Variants in VPS35L observed in about 807,000 individuals in gnomAD.
VPS35L encodes VPS35 endosomal protein sorting factor like.
VPS35L carries 83 observed loss-of-function variants against 133.0 expected under a neutral mutation model. The observed-to-expected ratio is 0.62, with a 90% CI of 0.52 to 0.75. The LOEUF is 0.75. VPS35L is among the 30% of genes least tolerant of loss of function. VPS35L has a pLI of 0.00. For missense variants in VPS35L, 1,083 were observed against 1,206.8 expected (o/e 0.90, Z 1.52); for synonymous variants, 423 against 449.9 (o/e 0.94, Z 0.76).
intron 28 of VPS35L, among the ~76,000 whole-genome samples, chr16:19,687,971 G>A (rs569765795): frequency 1.3e-5 from 2 of 152,200 alleles, no homozygotes; most frequent in African/African-American, 2.4e-5. Context: ...ATGTAGCCCT[G>A]CCTGCAGTGC....
chr16:19,555,830 C>A (rs376445204), intron 1 of VPS35L, 84 bp downstream of exon 1: 26 of 1,494,420 alleles, frequency 1.7e-5, no homozygotes, highest in African/African-American at 4.2e-5. Flanking sequence ...AGTGTGAATT[C>A]CTCTCTGTCG....
At chr16:19,600,762 AG>A (rs927550076) in intron 8 of VPS35L, among the ~76,000 whole-genome samples, 14 of 152,172 alleles carry the variant, frequency 9.2e-5, no homozygotes, top group Admixed American at 7.9e-4. Context: ...GAGAGACAGT[AG>A]GGGGTGGTTG....
chr16:19,602,794 G>A (rs1203170892), intron 9 of VPS35L, among the ~76,000 whole-genome samples: 4 of 151,980 alleles, frequency 2.6e-5, no homozygotes, highest in Non-Finnish European at 5.9e-5. Flanking sequence ...GTAGAGACAG[G>A]GTTTGTACCA....
intron 27 of VPS35L, among the ~76,000 whole-genome samples, chr16:19,679,706 T>C (rs565102042): frequency 6.6e-6 from 1 of 152,204 alleles, no homozygotes; most frequent in African/African-American, 2.4e-5. Context: ...GGTTTCGCCA[T>C]GTTGGCCAGG....
At chr16:19,638,330 C>T (rs1973683494) in intron 20 of VPS35L, among the ~76,000 whole-genome samples, 1 of 152,166 alleles carries the variant, frequency 6.6e-6, no homozygotes. Flanking sequence ...ACATGTATTG[C>T]CTCACATTAG....
intron 7 of VPS35L, among the ~76,000 whole-genome samples, chr16:19,588,091 C>T (rs997456566): frequency 6.6e-6 from 1 of 151,866 alleles, no homozygotes; most frequent in African/African-American, 2.4e-5. Context: ...TGAGCCACTG[C>T]GCCTGGCCAG....
Position 19,616,259 on chromosome 16 carries a change from G to C in VPS35L, c.1101+68G>C, listed in dbSNP as rs1972890061. 3.5e-6 allele frequency: 5 copies of C among 1,411,542 alleles called. No homozygotes were observed. In the Admixed American group the frequency reaches 6.9e-5, roughly 20 times the overall value. The allele number at this position is 1,411,542 out of a possible 1,614,324, so 87.4% of individuals were successfully genotyped here. On this transcript the variant is annotated intron_variant, in intron 13 of 30. Transcript: ENST00000417362. The stretch of plus-strand genomic sequence containing the variant: ...TATGATAGCAAATTCACAAAACCCA[G>C]TTGGTTTTCCAAGTGGAGAATGCCT...
intron 8 of VPS35L, among the ~76,000 whole-genome samples, chr16:19,593,313 G>T (rs1972101215): frequency 6.6e-6 from 1 of 152,198 alleles, no homozygotes. Context: ...ACACGTGGAA[G>T]ATCAGAACAG....
chr16:19,685,843 C>G (rs1274822230), intron 28 of VPS35L, among the ~76,000 whole-genome samples: 1 of 152,132 alleles, frequency 6.6e-6, no homozygotes, highest in African/African-American at 2.4e-5. Context: ...GAGGACCAGA[C>G]AGAGACCTGG....
rs373545292 is a variant in VPS35L at position 19,591,855 on chromosome 16, C to T, written c.705C>T (p.Thr235=). 3.9e-5 allele frequency: 62 copies of T among 1,607,698 alleles called. No homozygotes were observed. Among genetic ancestry groups the T allele is most frequent in the African/African-American group, 9.4e-5 (7 of 74,614 alleles). The part of the protein sequence containing the change: ...QFYPSKFVLI[T]DILDTFGKLV... ...ACCCAAGCAAATTTGTCCTTATCACCGACATACTTGATACATTTGGTAAGT... is the reference window on the plus strand; with the variant it reads ...ACCCAAGCAAATTTGTCCTTATCACTGACATACTTGATACATTTGGTAAGT... Residue 235 remains threonine (T), a synonymous_variant, in exon 8 of 31, where the codon ACC becomes ACT. Coordinates refer to ENST00000417362, the MANE Select transcript of VPS35L (RefSeq NM_020314.7).
chr16:19,626,115 A>C (rs1597373404), intron 14 of VPS35L, 62 bp from the exon 15 acceptor site: 2 of 1,101,210 alleles, frequency 1.8e-6, no homozygotes, highest in African/African-American at 3.2e-5. Context: ...GAAATCTCTT[A>C]GAAATGTTAC....
intron 28 of VPS35L, among the ~76,000 whole-genome samples, chr16:19,688,815 G>GAA (rs924861469): frequency 6.6e-6 from 1 of 152,240 alleles, no homozygotes; most frequent in African/African-American, 2.4e-5. Flanking sequence ...TGTGGGTGTG[G>GAA]AAGGAAAGAA....
intron 5 of VPS35L, 52 bp from the exon 6 acceptor site, chr16:19,579,000 G>A (rs1007985114): frequency 1.4e-6 from 2 of 1,449,218 alleles, no homozygotes; most frequent in African/African-American, 2.8e-5. Flanking sequence ...TCCACTGGGG[G>A]TATTGGTGCA....
intron 27 of VPS35L, among the ~76,000 whole-genome samples, chr16:19,671,910 C>T (rs193091184): frequency 3.3e-5 from 5 of 152,346 alleles, no homozygotes; most frequent in Non-Finnish European, 1.5e-5. Flanking sequence ...TGTTAAAATG[C>T]AGATTCCTGG....
chr16:19,693,834 A>G (rs1975795749), intron 29 of VPS35L, among the ~76,000 whole-genome samples: 1 of 151,712 alleles, frequency 6.6e-6, no homozygotes, highest in South Asian at 2.1e-4. Context: ...CTGTAGTCCC[A>G]GCTACTGGAG....
chr16:19,558,601 T>G (rs1970932335), intron 1 of VPS35L, among the ~76,000 whole-genome samples: 1 of 152,150 alleles, frequency 6.6e-6, no homozygotes, highest in African/African-American at 2.4e-5. Flanking sequence ...TTCCGTTTAA[T>G]CCTGTGGTTA....
At chr16:19,700,342 A>G (rs748802677) in intron 30 of VPS35L, 36 bp from the exon 31 acceptor site, 6 of 1,566,914 alleles carry the variant, frequency 3.8e-6, no homozygotes, top group Middle Eastern at 1.7e-4. Context: ...AGGATAATGA[A>G]CCAGAAAGGA....
chr16:19,610,500 C>A, intron 12 of VPS35L, 85 bp downstream of exon 12: 3 of 959,368 alleles, frequency 3.1e-6, no homozygotes, highest in Non-Finnish European at 3.1e-6. Context: ...TTCCCCACCA[C>A]CCCGCAAGTC....
At chr16:19,648,245 A>G (rs1357384677) in intron 24 of VPS35L, among the ~76,000 whole-genome samples, 1 of 152,158 alleles carries the variant, frequency 6.6e-6, no homozygotes, top group African/African-American at 2.4e-5. Context: ...GATTACAGGA[A>G]AGAACCACTG....
Sources: gnomAD v4.1 joint callset for allele counts (sites outside exome capture counted in the v4.1 genomes callset) on GRCh38, gnomAD v4.1.1 for gene constraint, MANE v1.5 for transcripts, NCBI Gene and HGNC (gene_info 2026-07-23, HGNC 2026-07-21) for gene names.